SNAPC4: variants seen among roughly 807,000 people sequenced by gnomAD.
The protein encoded by SNAPC4 is small nuclear RNA activating complex polypeptide 4.
In SNAPC4, 127 loss-of-function variants were observed where a neutral mutation model predicts 151.3. The ratio of observed to expected loss-of-function variants is 0.84; its 90% confidence interval spans 0.73 to 0.97. The LOEUF is 0.97. Ranked by LOEUF, SNAPC4 falls within the 50% of genes least tolerant of loss-of-function variation. The pLI, the probability that SNAPC4 is intolerant of heterozygous loss-of-function variation, is 0.00. For synonymous variants in SNAPC4, 1,002 were observed against 824.4 expected, an observed-to-expected ratio of 1.22 and a Z score of -3.69; for missense variants, 2,186 against 1,935.0, an observed-to-expected ratio of 1.13 and a Z score of -2.43.
In SNAPC4 at chr9:136,376,448, A is replaced by G. The variant is rs751778175; in HGVS notation, c.4318T>C (p.Ser1440Pro). The change falls in exon 23 of 24, where the codon TCC (serine) becomes CCC (proline). Residue 1440 changes from serine to proline, a missense_variant. Ser to Pro is a moderately conservative substitution (Grantham distance 74). Transcript: ENST00000684778. ...APDSGKCSAS[S>P]CLDTSNDPDD... ...GGGTCATTAGAAGTATCCAGGCAGG[A>G]GGAAGCAGAGCATTTACCAGAGTCT... 1.2e-6 allele frequency: 2 copies of G among 1,613,414 alleles called. No individual in the cohort carries two copies. The highest frequency in any genetic ancestry group is 1.7e-6 in the Non-Finnish European group (2 of 1,179,902).
In SNAPC4 at chr9:136,382,327, G is replaced by T. The variant is rs113898987; in HGVS notation, c.1993C>A (p.Arg665Ser). The T allele has an allele frequency of 2.4e-5, 39 of 1,613,052 alleles. No homozygotes were observed. The highest frequency in any genetic ancestry group is 3.1e-5 in the Non-Finnish European group (37 of 1,179,910). Residue 665 changes from arginine (R) to serine (S), a missense_variant, in exon 17 of 24, where the codon CGT (arginine) becomes AGT (serine). Physicochemically the swap from Arg to Ser is moderately radical, Grantham distance 110 (BLOSUM62 -1). Transcript: ENST00000684778. ...GTCTCCACAGGCACTGTCAGCAGAC[G>T]CCTCCCACCCTGATGAGAAAGCTGC... is the stretch of plus-strand genomic sequence containing the variant. ...AEKQALEGGR[R>S]LLTVPVETVL...
chr9:136,395,476 C>A, intron 4 of SNAPC4, 53 bp from the exon 5 acceptor site: 1 of 1,594,696 alleles, frequency 6.3e-7, no homozygotes, highest in South Asian at 1.1e-5. Context: ...CAATGACTCT[C>A]CCTGCGGAGG....
At position 136,383,076 on chromosome 9, in the gene SNAPC4, G is replaced by C; in HGVS notation, c.1983+110C>G. On this transcript the variant is annotated intron_variant, in intron 16 of 23. Coordinates refer to ENST00000684778, the MANE Select transcript of SNAPC4 (RefSeq NM_003086.4). This position sits in a 1 kb window ranked among gnomAD's most constrained non-coding sequence, Gnocchi z 4.2. ...AGCTCAGCCAGAAGTAGCACGTTCTGATGCACACGAACCCTGGGGCCCCTG... is the reference window on the plus strand; with the variant it reads ...AGCTCAGCCAGAAGTAGCACGTTCTCATGCACACGAACCCTGGGGCCCCTG... The C allele has an allele frequency of 7.0e-7, 1 of 1,434,660 alleles. No homozygotes were observed. Among genetic ancestry groups the C allele is most frequent in the South Asian group, 1.5e-5 (1 of 67,210 alleles). The allele number at this position is 1,434,660 out of a possible 1,614,324, so 88.9% of individuals were successfully genotyped here. A position where few individuals can be genotyped will look rare whatever the true frequency, so the allele number is the denominator to read the frequency against.
In SNAPC4 at chr9:136,378,391, G is replaced by C. The variant is rs777782592; in HGVS notation, c.3436C>G (p.Pro1146Ala). 39 of 1,609,646 alleles carry C rather than the reference G, an allele frequency of 2.4e-5. No individual in the cohort carries two copies. The highest frequency in any genetic ancestry group is 3.2e-5 in the Non-Finnish European group (38 of 1,179,158). Residue 1146 changes from proline (P) to alanine (A), a missense_variant, in exon 22 of 24, where the codon CCT (proline) becomes GCT (alanine). Transcript: ENST00000684778. ...PPANMNREPE[P>A]SCRTDTPAPP... is the part of the protein sequence containing the mutation. ...GCTGGGGTGTCTGTCCTGCAGGAAG[G>C]CTCCGGTTCCCTGTTCATATTGGCT... is the stretch of plus-strand genomic sequence containing the variant.
intron 3 of SNAPC4, 73 bp from the exon 4 acceptor site, chr9:136,395,843 C>T: frequency 6.8e-7 from 1 of 1,466,700 alleles, no homozygotes; most frequent in Non-Finnish European, 9.3e-7. Flanking sequence ...AGCCAGTCGC[C>T]CATCGCTGGG....
rs891734374 is a variant in SNAPC4, at chr9:136,383,882, C to T, written c.1500+71G>A. Reference sequence around the variant, plus strand: ...GAACGCCCCCCTCCCCTCCCCTCCTCCTGCCTGCTGGACCCCCCAGTTGAC... The same window carrying T: ...GAACGCCCCCCTCCCCTCCCCTCCTTCTGCCTGCTGGACCCCCCAGTTGAC... On this transcript the variant is annotated intron_variant, in intron 15 of 23. Coordinates refer to ENST00000684778, the MANE Select transcript of SNAPC4 (RefSeq NM_003086.4). This position sits in a 1 kb window ranked among gnomAD's most constrained non-coding sequence, Gnocchi z 4.2. The T allele has an allele frequency of 4.7e-5, 68 of 1,438,704 alleles. No homozygotes were observed. In the Admixed American group the frequency reaches 1.1e-3, roughly 24 times the overall value. 89.1% of individuals were successfully genotyped at this position (1,438,704 alleles called of 1,614,324 possible). A position where few individuals can be genotyped will look rare whatever the true frequency, so the allele number is the denominator to read the frequency against.
intron 20 of SNAPC4, 64 bp from the exon 21 acceptor site, chr9:136,379,928 C>G (rs1396564819): frequency 6.5e-7 from 1 of 1,537,184 alleles, no homozygotes; most frequent in Non-Finnish European, 8.9e-7. Context: ...ACCACCTCTC[C>G]TAGCATCTGG....
At chr9:136,395,794 T>A (rs770679073) in intron 3 of SNAPC4, 24 bp from the exon 4 acceptor site, 1 of 1,601,160 alleles carries the variant, frequency 6.2e-7, no homozygotes, top group East Asian at 2.2e-5. Context: ...AGAAATGGCA[T>A]GTGACGAGAT....
At chr9:136,386,743 T>A (rs1833903305) in intron 13 of SNAPC4, among the ~76,000 whole-genome samples, 1 of 151,906 alleles carries the variant, frequency 6.6e-6, no homozygotes, top group South Asian at 2.1e-4. Context: ...CTTCTACACT[T>A]CATTTTAATT....
Position 136,395,440 on chromosome 9 carries a change from G to A in SNAPC4, c.346-17C>T. ...GAGTTCCTCCTGTGACAGACACAAGGCAGGGACCCCTCTATGGACCAGCAG... is the reference window on the plus strand; with the variant it reads ...GAGTTCCTCCTGTGACAGACACAAGACAGGGACCCCTCTATGGACCAGCAG... On this transcript the variant is annotated splice_polypyrimidine_tract_variant and intron_variant, in intron 4 of 23. Coordinates refer to ENST00000684778, the MANE Select transcript of SNAPC4 (RefSeq NM_003086.4). 1 of 1,610,568 alleles carries A rather than the reference G, an allele frequency of 6.2e-7. No homozygotes were observed. Among genetic ancestry groups the A allele is most frequent in the African/African-American group, 1.3e-5 (1 of 74,998 alleles).
chr9:136,376,051 G>C (rs1466386353), intron 23 of SNAPC4, among the ~76,000 whole-genome samples: 2 of 152,218 alleles, frequency 1.3e-5, no homozygotes, highest in Non-Finnish European at 2.9e-5. Context: ...CAATGCACGG[G>C]AACAGGGCAC....
chr9:136,388,364 G>C lies in SNAPC4; in HGVS notation c.1123+80C>G. On this transcript the variant is annotated intron_variant, in intron 11 of 23. Coordinates refer to ENST00000684778, the MANE Select transcript of SNAPC4 (RefSeq NM_003086.4). ...CTCGTCTGTCTTGTTGCTTCTCTGT[G>C]AATTTTCCCTGCAAGTCTCCAGTGT... The C allele has an allele frequency of 3.4e-6, 5 of 1,464,176 alleles. No homozygotes were observed. In the South Asian group the frequency reaches 6.2e-5, roughly 18 times the overall value. The allele number at this position is 1,464,176 out of a possible 1,614,324, so 90.7% of individuals were successfully genotyped here.
In SNAPC4 at chr9:136,378,064, C is replaced by G. The variant is rs756857153; in HGVS notation, c.3763G>C (p.Glu1255Gln). 1 of 1,578,150 alleles carries G rather than the reference C, an allele frequency of 6.3e-7. No individual in the cohort carries two copies. The highest frequency in any genetic ancestry group is 1.1e-5 in the South Asian group (1 of 87,640). ...CCAGGCTGGGGTAGGGGCGGCTTCT[C>G]CAGGTCCAGGGCCCCCTTCTCAGGC... ...PGPEKGALDL[E>Q]KPPLPQPGPE... is the part of the protein sequence containing the mutation. The change falls in exon 22 of 24, where the codon GAG (glutamate) becomes CAG (glutamine). Residue 1255 changes from glutamate (E) to glutamine (Q), a missense_variant. Transcript: ENST00000684778.
Position 136,378,966 on chromosome 9 carries a change from C to T in SNAPC4, c.2861G>A (p.Gly954Glu). Residue 954 changes from glycine to glutamate, a missense_variant, in exon 22 of 24, where the codon GGG becomes GAG. Physicochemically the swap from Gly to Glu is moderately conservative, Grantham distance 98. Coordinates refer to ENST00000684778, the MANE Select transcript of SNAPC4 (RefSeq NM_003086.4). ...TTTGGCTGCCGCGGGGGCCCCAGGC[C>T]CAGAGAGCGGTACATTTAAGACGGT... ...GPTVLNVPLS[G>E]PGAPAAAKPG... is the part of the protein sequence containing the mutation. The T allele has an allele frequency of 1.2e-6, 2 of 1,608,836 alleles. No homozygotes were observed. The highest frequency in any genetic ancestry group is 8.5e-7 in the Non-Finnish European group (1 of 1,178,666).
chr9:136,387,426 A>C, intron 13 of SNAPC4, 59 bp downstream of exon 13: 2 of 1,185,294 alleles, frequency 1.7e-6, no homozygotes, highest in Non-Finnish European at 2.5e-6. Context: ...CCCACACCAG[A>C]GTGCACCTGG....
chr9:136,381,268 AC>A, intron 19 of SNAPC4, 53 bp downstream of exon 19: 2 of 1,443,362 alleles, frequency 1.4e-6, no homozygotes, highest in Non-Finnish European at 1.9e-6. Context: ...TCAAAACTTC[AC>A]CAAAAACTTT....
At chr9:136,387,402 C>T (rs898880288) in intron 13 of SNAPC4, 83 bp downstream of exon 13, 2 of 1,015,236 alleles carry the variant, frequency 2.0e-6, no homozygotes, top group African/African-American at 1.6e-5. Flanking sequence ...CGCTGTCCCC[C>T]AGCCCGCCCA....
At chr9:136,381,754 C>T (rs1443570135) in intron 18 of SNAPC4, 70 bp downstream of exon 18, 12 of 1,538,240 alleles carry the variant, frequency 7.8e-6, no homozygotes, top group Non-Finnish European at 8.7e-6. Context: ...CCACCGTCTG[C>T]TAGGCTGGAT....
intron 10 of SNAPC4, among the ~76,000 whole-genome samples, chr9:136,390,372 A>G (rs902240129): frequency 3.3e-4 from 50 of 151,844 alleles, no homozygotes; most frequent in Admixed American, 5.3e-4. Flanking sequence ...TGGCTAACAC[A>G]GTGAAACCCC....
Sources: allele counts gnomAD v4.1 joint callset (sites outside exome capture counted in the v4.1 genomes callset), GRCh38; gene constraint gnomAD v4.1.1; non-coding constraint Gnocchi (gnomAD v3.1); transcripts MANE v1.5; gene names NCBI Gene and HGNC (gene_info 2026-07-23, HGNC 2026-07-21).